Variants in NDUFAB1 observed in about 807,000 individuals in gnomAD.
NDUFAB1 encodes NADH:ubiquinone oxidoreductase subunit AB1.
In NDUFAB1, 5 loss-of-function variants were observed where a neutral mutation model predicts 16.1. That is an observed-to-expected ratio of 0.31 (90% CI 0.16 to 0.65). The LOEUF is 0.65. NDUFAB1 is among the 30% of genes least tolerant of loss of function. The probability of loss-of-function intolerance (pLI) is 0.77; values close to 1 mark genes in which losing one functional copy is unlikely to be tolerated. For missense variants in NDUFAB1, 187 were observed against 205.3 expected (o/e 0.91, Z 0.54); for synonymous variants, 85 against 78.4 (o/e 1.08, Z -0.44).
intron 1 of NDUFAB1, among the ~76,000 whole-genome samples, chr16:23,593,122 C>G (rs1465424131): frequency 1.3e-5 from 2 of 152,166 alleles, no homozygotes; most frequent in Non-Finnish European, 2.9e-5. Flanking sequence ...TAAGGAGATT[C>G]CGTCTCTAAA....
At position 23,596,300 on chromosome 16, in the gene NDUFAB1, A is replaced by G. The variant is rs1265220340; in HGVS notation, c.-10T>C. 1 of 1,546,108 alleles carries G rather than the reference A, an allele frequency of 6.5e-7. No homozygotes were observed. Among genetic ancestry groups the G allele is most frequent in the Non-Finnish European group, 8.7e-7 (1 of 1,148,358 alleles). ...GGACACGAGACGCCATGGCTACGCC[A>G]ACCCAGGATGCACTGCGCCGCCGCC... On this transcript the variant is annotated 5_prime_UTR_variant, in exon 1 of 5. Coordinates refer to ENST00000007516, the MANE Select transcript of NDUFAB1 (RefSeq NM_005003.3).
intron 1 of NDUFAB1, 69 bp downstream of exon 1, chr16:23,596,054 C>G (rs1242328672): frequency 6.6e-7 from 1 of 1,526,584 alleles, no homozygotes; most frequent in African/African-American, 1.4e-5. Context: ...CCCCGGATGC[C>G]CGGCCCCCAC....
chr16:23,584,115 C>G (rs1966209604), intron 3 of NDUFAB1, among the ~76,000 whole-genome samples: 1 of 151,442 alleles, frequency 6.6e-6, no homozygotes, highest in African/African-American at 2.4e-5. Flanking sequence ...GGGACACAAA[C>G]ACTGCGGAAG....
At chr16:23,582,206 T>C in intron 4 of NDUFAB1, 70 bp downstream of exon 4, 1 of 1,360,850 alleles carries the variant, frequency 7.3e-7, no homozygotes, top group African/African-American at 1.5e-5. Context: ...TTCTGTTTCT[T>C]CTTAAGTTTC....
chr16:23,591,850 C>T (rs1253605107), intron 1 of NDUFAB1, among the ~76,000 whole-genome samples: 8 of 152,314 alleles, frequency 5.3e-5, no homozygotes, highest in Admixed American at 5.2e-4. Context: ...ACACCTGTTT[C>T]ACAATGCCTT....
At chr16:23,588,106 G>A (rs1454748453) in intron 1 of NDUFAB1, among the ~76,000 whole-genome samples, 1 of 152,228 alleles carries the variant, frequency 6.6e-6, no homozygotes, top group Non-Finnish European at 1.5e-5. Context: ...TGGAAGGTAC[G>A]ACGCAGAATC....
intron 1 of NDUFAB1, among the ~76,000 whole-genome samples, chr16:23,593,895 T>G (rs113163737): frequency 7.2e-5 from 10 of 139,820 alleles, no homozygotes; most frequent in South Asian, 4.6e-4. Context: ...TTTATTTATT[T>G]ATTGAGATGG....
chr16:23,581,645 T>A (rs964193461), intron 4 of NDUFAB1, among the ~76,000 whole-genome samples: 1 of 152,114 alleles, frequency 6.6e-6, no homozygotes, highest in Non-Finnish European at 1.5e-5. Flanking sequence ...TTATTCTAGG[T>A]CCCAAGTAAC....
intron 1 of NDUFAB1, among the ~76,000 whole-genome samples, chr16:23,589,667 G>A (rs1403561785): frequency 6.6e-6 from 1 of 152,146 alleles, no homozygotes. Flanking sequence ...AGGTGTGGTG[G>A]CTCACGCCTG....
In NDUFAB1 at chr16:23,586,695, C is replaced by G. The variant is rs570107707; in HGVS notation, c.291+502G>C. On this transcript the variant is annotated intron_variant, in intron 2 of 4. Transcript: ENST00000007516. ...TGGAGTTTCACTCTTGTTGCCTAGGCTGGACTGCAATCACGCTATCTCGGC... is the reference window on the plus strand; with the variant it reads ...TGGAGTTTCACTCTTGTTGCCTAGGGTGGACTGCAATCACGCTATCTCGGC... Among the ~76,000 whole-genome samples, 81 of 151,196 alleles carry G rather than the reference C, an allele frequency of 5.4e-4. 1 individual carries two copies. Among genetic ancestry groups the G allele is most frequent in the Admixed American group, 1.3e-3 (20 of 15,128 alleles).
At chr16:23,587,095 G>A in intron 2 of NDUFAB1, 102 bp downstream of exon 2, 1 of 1,212,054 alleles carries the variant, frequency 8.3e-7, no homozygotes, top group Non-Finnish European at 1.2e-6. Context: ...GGGTGTCTGG[G>A]AGCCAGGGAG....
intron 1 of NDUFAB1, among the ~76,000 whole-genome samples, chr16:23,590,636 C>CTTTTT (rs1567409172): frequency 9.4e-6 from 1 of 106,182 alleles, no homozygotes. Flanking sequence ...TGCCTCTGGT[C>CTTTTT]TCTTTTTTTT....
At chr16:23,582,137 C>T (rs763243019) in intron 4 of NDUFAB1, 139 bp downstream of exon 4, 51 of 1,094,200 alleles carry the variant, frequency 4.7e-5, no homozygotes, top group Non-Finnish European at 5.9e-5. Context: ...GAGTGGCAGA[C>T]AACAGGAAAG....
intron 4 of NDUFAB1, 22 bp downstream of exon 4, chr16:23,582,254 A>G: frequency 6.9e-7 from 1 of 1,446,154 alleles, no homozygotes; most frequent in Non-Finnish European, 9.1e-7. Context: ...ATGGGTGAAC[A>G]TCATTTTTTA....
At chr16:23,588,471 A>G (rs1966252143) in intron 1 of NDUFAB1, among the ~76,000 whole-genome samples, 1 of 152,092 alleles carries the variant, frequency 6.6e-6, no homozygotes, top group Non-Finnish European at 1.5e-5. Context: ...AGAAAAAGAA[A>G]GAAATCCCTA....
chr16:23,595,358 C>T (rs188543653), intron 1 of NDUFAB1: 42 of 355,140 alleles, frequency 1.2e-4, no homozygotes, highest in African/African-American at 8.3e-4. Flanking sequence ...ACTACAGGTA[C>T]AGTCGTTCCT....
chr16:23,583,234 G>A (rs528942268), intron 3 of NDUFAB1, among the ~76,000 whole-genome samples: 305 of 152,228 alleles, frequency 2.0e-3, no homozygotes, highest in African/African-American at 6.7e-3. Flanking sequence ...CTGCCTGGCC[G>A]CCCATCGTCT....
At chr16:23,585,962 C>G (rs1040909923) in intron 2 of NDUFAB1, among the ~76,000 whole-genome samples, 5 of 152,328 alleles carry the variant, frequency 3.3e-5, no homozygotes, top group Non-Finnish European at 7.3e-5. Flanking sequence ...AAGTCTTGCT[C>G]TGTCACCCAG....
At chr16:23,591,914 G>T (rs549884386) in intron 1 of NDUFAB1, among the ~76,000 whole-genome samples, 1 of 152,180 alleles carries the variant, frequency 6.6e-6, no homozygotes, top group Non-Finnish European at 1.5e-5. Context: ...TGTGTGCCAA[G>T]AACTGTGCAA....
Sources: gnomAD v4.1 joint callset for allele counts (sites outside exome capture counted in the v4.1 genomes callset) on GRCh38, gnomAD v4.1.1 for gene constraint, MANE v1.5 for transcripts, NCBI Gene and HGNC (gene_info 2026-07-23, HGNC 2026-07-21) for gene names.